Variants in VKORC1L1 observed in about 807,000 individuals in gnomAD.
VKORC1L1 encodes vitamin K epoxide reductase complex subunit 1-like protein 1.
Under a neutral mutation model 18.9 loss-of-function variants are expected in VKORC1L1, and 2 were observed. The observed-to-expected ratio is 0.11, with a 90% CI of 0.04 to 0.33. The LOEUF (loss-of-function observed/expected upper bound fraction) is 0.33. Among genes scored for constraint, VKORC1L1 ranks in the 10% least tolerant of loss-of-function variants. The probability of loss-of-function intolerance (pLI) is 1.00; values close to 1 mark genes in which losing one functional copy is unlikely to be tolerated. For missense variants in VKORC1L1, 123 were observed against 224.1 expected, an observed-to-expected ratio of 0.55 and a Z score of 2.88; for synonymous variants, 96 against 100.0, an observed-to-expected ratio of 0.96 and a Z score of 0.24.
chr7:65,954,373 T>TTAC lies in VKORC1L1; in HGVS notation c.*75_*76insCTA. 6 of 1,480,942 alleles carry TTAC rather than the reference T, an allele frequency of 4.1e-6. No homozygotes were observed. Among genetic ancestry groups the TTAC allele is most frequent in the Non-Finnish European group, 5.3e-6 (6 of 1,121,986 alleles). 91.7% of individuals were successfully genotyped at this position (1,480,942 alleles called of 1,614,324 possible). A position where few individuals can be genotyped will look rare whatever the true frequency, so the allele number is the denominator to read the frequency against. ...TTTATTTTGCAGCAGGTTTTTATTA[T>TTAC]TATTATTATTATTATTATTCACAAC... On this transcript the variant is annotated 3_prime_UTR_variant, in exon 3 of 3. Coordinates refer to ENST00000360768, the MANE Select transcript of VKORC1L1 (RefSeq NM_173517.6).
chr7:65,929,680 G>GTA (rs150255530), intron 1 of VKORC1L1, among the ~76,000 whole-genome samples: 10,111 of 103,514 alleles, frequency 0.098, 613 homozygotes, highest in South Asian at 0.18. Context: ...ATGTGTGTGT[G>GTA]TGTATATATA....
chr7:65,934,517 G>C (rs1313613387), intron 1 of VKORC1L1, among the ~76,000 whole-genome samples: 2 of 151,892 alleles, frequency 1.3e-5, no homozygotes, highest in Non-Finnish European at 2.9e-5. Flanking sequence ...TGTATCCTTT[G>C]ACCACCATCT....
intron 1 of VKORC1L1, among the ~76,000 whole-genome samples, chr7:65,921,627 T>C (rs1789676859): frequency 6.6e-6 from 1 of 152,130 alleles, no homozygotes; most frequent in African/African-American, 2.4e-5. Flanking sequence ...GATAAGTGGA[T>C]CATGAGGTCA....
At chr7:65,873,733 C>G in intron 1 of VKORC1L1, among the ~76,000 whole-genome samples, 168 bp downstream of exon 1, 1 of 150,590 alleles carries the variant, frequency 6.6e-6, no homozygotes, top group Non-Finnish European at 1.5e-5. Flanking sequence ...GCGGGGCGCT[C>G]CTGCCCGGGG....
At chr7:65,917,208 AT>A (rs1405044119) in intron 1 of VKORC1L1, among the ~76,000 whole-genome samples, 5 of 151,726 alleles carry the variant, frequency 3.3e-5, no homozygotes, top group Admixed American at 2.0e-4. Flanking sequence ...CCAATTGGTG[AT>A]TAAGTCCTAT....
At chr7:65,882,852 C>T (rs568193491) in intron 1 of VKORC1L1, among the ~76,000 whole-genome samples, 2 of 152,290 alleles carry the variant, frequency 1.3e-5, no homozygotes, top group South Asian at 4.1e-4. Context: ...TTCCTTAACA[C>T]TATTACATAA....
intron 1 of VKORC1L1, among the ~76,000 whole-genome samples, chr7:65,899,237 CGCA>C (rs1789268867): frequency 6.6e-6 from 1 of 152,194 alleles, no homozygotes; most frequent in Non-Finnish European, 1.5e-5. Context: ...GGCTCAAGGC[CGCA>C]GCCTCTTGAC....
chr7:65,874,659 A>G (rs1048389139), intron 1 of VKORC1L1, among the ~76,000 whole-genome samples: 8 of 151,978 alleles, frequency 5.3e-5, no homozygotes, highest in Admixed American at 1.3e-4. Context: ...TACAAAAATT[A>G]GCTGGGTGTG....
chr7:65,890,429 C>A (rs1789093576), intron 1 of VKORC1L1, among the ~76,000 whole-genome samples: 1 of 152,128 alleles, frequency 6.6e-6, no homozygotes, highest in South Asian at 2.1e-4. Flanking sequence ...CCACACCCAG[C>A]CCCTAATTAT....
In VKORC1L1 at chr7:65,957,737, CAGG is replaced by C. The variant is rs1790322507; in HGVS notation, c.*3440_*3442del. ...ATGCCAGCTCCTCCAGAGGCTGAGG[CAGG>C]AGAATTGCTTGAACCCAGTAGGTGG... On this transcript the variant is annotated 3_prime_UTR_variant, in exon 3 of 3. Transcript: ENST00000360768. 1 of 150,546 alleles carries C rather than the reference CAGG, an allele frequency of 6.6e-6. No individual in the cohort carries two copies. Among genetic ancestry groups the C allele is most frequent in the African/African-American group, 2.5e-5 (1 of 40,776 alleles). The allele number at this position is 150,546 out of a possible 1,614,324, so 9.3% of individuals were successfully genotyped here.
At chr7:65,877,054 GA>G (rs1788838950) in intron 1 of VKORC1L1, among the ~76,000 whole-genome samples, 1 of 151,996 alleles carries the variant, frequency 6.6e-6, no homozygotes, top group Non-Finnish European at 1.5e-5. Context: ...CTCAAAAAAA[GA>G]AAAACAAAAA....
At chr7:65,916,346 A>G (rs1269528565) in intron 1 of VKORC1L1, among the ~76,000 whole-genome samples, 5 of 152,026 alleles carry the variant, frequency 3.3e-5, no homozygotes. Context: ...CATTGTGGTT[A>G]TTATTCTTAT....
At chr7:65,929,433 G>A (rs879582299) in intron 1 of VKORC1L1, among the ~76,000 whole-genome samples, 1 of 151,812 alleles carries the variant, frequency 6.6e-6, no homozygotes, top group Non-Finnish European at 1.5e-5. Context: ...AAAATCAGTT[G>A]TGTCTGTTTC....
chr7:65,917,151 TGG>T, intron 1 of VKORC1L1, among the ~76,000 whole-genome samples: 1 of 152,166 alleles, frequency 6.6e-6, no homozygotes, highest in Non-Finnish European at 1.5e-5. Flanking sequence ...AAAAGTGTCC[TGG>T]TTACTTTCTC....
At position 65,908,836 on chromosome 7, in the gene VKORC1L1, CA is replaced by C. The variant is rs5884577; in HGVS notation, c.194+35289del. Among the ~76,000 whole-genome samples, 152 of 104,916 alleles carry C rather than the reference CA, an allele frequency of 1.4e-3. No individual in the cohort carries two copies. The South Asian group carries it at 0.02, about 14-fold the overall frequency. 68.8% of individuals were successfully genotyped at this position (104,916 alleles called of 152,430 possible). On this transcript the variant is annotated intron_variant, in intron 1 of 2. Coordinates refer to ENST00000360768, the MANE Select transcript of VKORC1L1 (RefSeq NM_173517.6). Reference sequence around the variant, plus strand: ...TGGGTGACAAAGCAAGACTCCATCTCAAAAAAAAAAAAAAAAAATTCCAATC... The same window carrying C: ...TGGGTGACAAAGCAAGACTCCATCTCAAAAAAAAAAAAAAAAATTCCAATC...
chr7:65,900,374 G>A (rs1789294757), intron 1 of VKORC1L1, among the ~76,000 whole-genome samples: 1 of 150,304 alleles, frequency 6.7e-6, no homozygotes, highest in Non-Finnish European at 1.5e-5. Context: ...CAGCCTGGGT[G>A]ACAGAGCGAG....
intron 1 of VKORC1L1, among the ~76,000 whole-genome samples, chr7:65,902,531 A>C (rs894794872): frequency 1.3e-5 from 2 of 152,184 alleles, no homozygotes; most frequent in Admixed American, 1.3e-4. Context: ...ATAGTCTAAC[A>C]TATGTGTAAT....
chr7:65,934,757 A>AT (rs1385595129), intron 1 of VKORC1L1, among the ~76,000 whole-genome samples: 1 of 152,254 alleles, frequency 6.6e-6, no homozygotes, highest in Admixed American at 6.5e-5. Context: ...CACTTTAGAT[A>AT]TTAAAAAAAA....
rs112947699 is a variant in VKORC1L1, at chr7:65,886,788, T to C, written c.194+13223T>C. Among the ~76,000 whole-genome samples, 370 of 144,742 alleles carry C rather than the reference T, an allele frequency of 2.6e-3. 3 individuals are homozygous for C. The highest frequency in any genetic ancestry group is 8.8e-3 in the African/African-American group (351 of 39,688). The allele number at this position is 144,742 out of a possible 152,430, so 95.0% of individuals were successfully genotyped here. ...TCCTGACCTTGTGATCCACCCACCTTGGCCTCCCAGAGTGCTGGGATTACA... is the reference window on the plus strand; with the variant it reads ...TCCTGACCTTGTGATCCACCCACCTCGGCCTCCCAGAGTGCTGGGATTACA... On this transcript the variant is annotated intron_variant, in intron 1 of 2. Coordinates refer to ENST00000360768, the MANE Select transcript of VKORC1L1 (RefSeq NM_173517.6).
Sources: gnomAD v4.1 joint callset for allele counts (sites outside exome capture counted in the v4.1 genomes callset) on GRCh38, gnomAD v4.1.1 for gene constraint, MANE v1.5 for transcripts, NCBI Gene and HGNC (gene_info 2026-07-23, HGNC 2026-07-21) for gene names.